The following ZNF33A variants were observed in gnomAD, a reference collection of about 807,000 sequenced individuals.
ZNF33A encodes the protein zinc finger protein 33A.
A neutral mutation model predicts 15.9 loss-of-function variants in ZNF33A; 9 were observed. The observed-to-expected ratio is 0.57, with a 90% CI of 0.34 to 0.99. The LOEUF is 0.99. ZNF33A is among the 50% of genes least tolerant of loss of function. ZNF33A has a pLI of 0.02. For synonymous variants in ZNF33A, 294 were observed against 324.2 expected (o/e 0.91, Z 1.00); for missense variants, 843 against 941.6 (o/e 0.90, Z 1.37).
chr10:38,025,948 G>A (rs1393703792), intron 4 of ZNF33A, among the ~76,000 whole-genome samples: 2 of 152,020 alleles, frequency 1.3e-5, no homozygotes, highest in South Asian at 4.2e-4. Context: ...CCTCCTGCCA[G>A]CCTATGGTAA....
chr10:38,011,137 C>T (rs1414323679), intron 1 of ZNF33A, among the ~76,000 whole-genome samples: 12 of 152,234 alleles, frequency 7.9e-5, no homozygotes, highest in Non-Finnish European at 1.5e-4. Context: ...AAGGCGGGTG[C>T]AGTCGCCCGC....
At chr10:38,011,451 G>T (rs2064180313) in intron 1 of ZNF33A, among the ~76,000 whole-genome samples, 1 of 152,092 alleles carries the variant, frequency 6.6e-6, no homozygotes, top group African/African-American at 2.4e-5. Context: ...CGGGCGTGGT[G>T]GCGCATGCCT....
chr10:38,024,689 C>A (rs2064904942), intron 4 of ZNF33A, among the ~76,000 whole-genome samples: 1 of 152,228 alleles, frequency 6.6e-6, no homozygotes, highest in Non-Finnish European at 1.5e-5. Flanking sequence ...TTAGTCTCCC[C>A]TTTTCTGTGG....
At chr10:38,019,925 G>A (rs2064660707) in intron 4 of ZNF33A, among the ~76,000 whole-genome samples, 1 of 152,172 alleles carries the variant, frequency 6.6e-6, no homozygotes. Context: ...AGTGGGGAGA[G>A]TAAAGGGGCC....
In ZNF33A at chr10:38,057,207, A is replaced by G; in HGVS notation, c.*647A>G. On this transcript the variant is annotated 3_prime_UTR_variant, in exon 5 of 5. Transcript: ENST00000432900. ...AACCATCAACACGATTAGTTTACAG[A>G]ACTGAAAAGGAATCTGAGATCTGTA... 1 of 984,814 alleles carries G rather than the reference A, an allele frequency of 1.0e-6. No individual in the cohort carries two copies. Among genetic ancestry groups the G allele is most frequent in the Non-Finnish European group, 1.2e-6 (1 of 829,480 alleles). The allele number at this position is 984,814 out of a possible 1,614,324, so 61.0% of individuals were successfully genotyped here.
chr10:38,057,660 G>A lies in ZNF33A; in HGVS notation c.*1100G>A. ...TCTAAAAAAAATCTATCCTGTACAT[G>A]TGAAGATCTAGGCTCGCCTCCATGT... On this transcript the variant is annotated 3_prime_UTR_variant, in exon 5 of 5. Transcript: ENST00000432900. 1.1e-5 allele frequency: 11 copies of A among 985,442 alleles called. No individual in the cohort carries two copies. The highest frequency in any genetic ancestry group is 1.3e-5 in the Non-Finnish European group (11 of 829,936). The allele number at this position is 985,442 out of a possible 1,614,324, so 61.0% of individuals were successfully genotyped here. A position where few individuals can be genotyped will look rare whatever the true frequency, so the allele number is the denominator to read the frequency against.
chr10:38,048,754 A>G (rs1193901903), intron 4 of ZNF33A, among the ~76,000 whole-genome samples: 1 of 152,164 alleles, frequency 6.6e-6, no homozygotes, highest in African/African-American at 2.4e-5. Context: ...TTAGTAATGG[A>G]TTTACAAAAT....
In ZNF33A at chr10:38,055,211, G is replaced by A. The variant is rs771048715; in HGVS notation, c.1087G>A (p.Glu363Lys). The A allele has an allele frequency of 9.9e-6, 16 of 1,614,016 alleles. No individual in the cohort carries two copies. In the Admixed American group the frequency reaches 2.5e-4, roughly 25 times the overall value. ...GQKPFQCNEC[E>K]KAFWDKSNLT... ...GAAACCCTTTCAATGTAATGAATGT[G>A]AAAAAGCTTTCTGGGATAAGTCAAA... Residue 363 changes from glutamate to lysine, a missense_variant, in exon 5 of 5, where the codon GAA becomes AAA. Coordinates refer to ENST00000432900, the MANE Select transcript of ZNF33A (RefSeq NM_006954.2).
At chr10:38,011,178 A>C (rs949727243) in intron 1 of ZNF33A, among the ~76,000 whole-genome samples, 2 of 152,214 alleles carry the variant, frequency 1.3e-5, no homozygotes, top group Non-Finnish European at 2.9e-5. Flanking sequence ...CACGTATTGC[A>C]TTCATCCTCT....
chr10:38,040,296 A>G (rs1387018489), intron 4 of ZNF33A, among the ~76,000 whole-genome samples: 1 of 152,032 alleles, frequency 6.6e-6, no homozygotes, highest in Non-Finnish European at 1.5e-5. Flanking sequence ...TGTTCTGTCT[A>G]TATCTCTTAG....
intron 4 of ZNF33A, among the ~76,000 whole-genome samples, chr10:38,037,070 GT>G (rs2065483901): frequency 6.6e-6 from 1 of 152,058 alleles, no homozygotes; most frequent in South Asian, 2.1e-4. Context: ...TAGCAAAAGA[GT>G]TTTTCATTCC....
intron 4 of ZNF33A, among the ~76,000 whole-genome samples, chr10:38,034,712 G>A (rs1348156060): frequency 6.6e-6 from 1 of 152,084 alleles, no homozygotes; most frequent in African/African-American, 2.4e-5. Flanking sequence ...TTGTTTTTTA[G>A]AGCACTTTCT....
At chr10:38,013,647 C>T (rs1450996550) in intron 2 of ZNF33A, among the ~76,000 whole-genome samples, 12 of 151,970 alleles carry the variant, frequency 7.9e-5, no homozygotes, top group East Asian at 1.9e-4. Context: ...TTAGTAGAGA[C>T]GGGGTTTCAC....
Sources: allele counts gnomAD v4.1 joint callset (sites outside exome capture counted in the v4.1 genomes callset), GRCh38; gene constraint gnomAD v4.1.1; transcripts MANE v1.5; gene names NCBI Gene and HGNC (gene_info 2026-07-23, HGNC 2026-07-21).